Variants in STK33 observed in about 807,000 individuals in gnomAD.
STK33 encodes the protein serine/threonine kinase 33, also known as serine/threonine-protein kinase 33.
STK33 carries 52 observed loss-of-function variants against 58.0 expected under a neutral mutation model. That is an observed-to-expected ratio of 0.90 (90% CI 0.72 to 1.13). The LOEUF is 1.13. Among genes scored for constraint, STK33 ranks in the 50% most tolerant of loss-of-function variants. The pLI, the probability that STK33 is intolerant of heterozygous loss-of-function variation, is 0.00. For missense variants in STK33, 630 were observed against 604.2 expected (o/e 1.04, Z -0.45); for synonymous variants, 215 against 200.1 (o/e 1.07, Z -0.63).
intron 1 of STK33, among the ~76,000 whole-genome samples, chr11:8,519,034 A>G (rs1953105797): frequency 6.6e-6 from 1 of 152,218 alleles, no homozygotes; most frequent in Non-Finnish European, 1.5e-5. Flanking sequence ...TCAATGGAAT[A>G]TACATTCTTC....
At chr11:8,438,548 T>TAGC (rs1369961526) in intron 12 of STK33, among the ~76,000 whole-genome samples, 3 of 152,144 alleles carry the variant, frequency 2.0e-5, no homozygotes, top group Non-Finnish European at 1.5e-5. Flanking sequence ...TAGGCACTGA[T>TAGC]TAGCTAAGTA....
At chr11:8,463,152 T>C (rs1214092654) in intron 7 of STK33, among the ~76,000 whole-genome samples, 30 of 152,094 alleles carry the variant, frequency 2.0e-4, no homozygotes, top group Admixed American at 1.8e-3. Flanking sequence ...TTAAGTCACA[T>C]TTAAAGGTTA....
the STK33 span, among the ~76,000 whole-genome samples, chr11:8,380,965 C>A: frequency 6.6e-6 from 1 of 152,144 alleles, no homozygotes; most frequent in African/African-American, 2.4e-5. Flanking sequence ...TCTTTTGCAG[C>A]AATTTGGATG....
At chr11:8,463,399 G>A (rs1051079403) in intron 7 of STK33, among the ~76,000 whole-genome samples, 1 of 152,152 alleles carries the variant, frequency 6.6e-6, no homozygotes, top group African/African-American at 2.4e-5. Context: ...TGCCGCTGCT[G>A]ATCTGACAGG....
chr11:8,579,186 CA>C (rs1958389738), intron 1 of STK33, among the ~76,000 whole-genome samples: 1 of 151,964 alleles, frequency 6.6e-6, no homozygotes, highest in Non-Finnish European at 1.5e-5. Flanking sequence ...CCTGAAGAAT[CA>C]GTTAGAGTAG....
intron 7 of STK33, 61 bp from the exon 8 acceptor site, chr11:8,461,970 GAA>G (rs1418189397): frequency 6.4e-5 from 84 of 1,315,418 alleles, no homozygotes; most frequent in East Asian, 1.1e-4. Flanking sequence ...TTCCTTGATA[GAA>G]AAGTTATTTT....
chr11:8,428,786 C>G (rs1275077806), intron 14 of STK33, among the ~76,000 whole-genome samples: 1 of 152,076 alleles, frequency 6.6e-6, no homozygotes, highest in African/African-American at 2.4e-5. Context: ...CAGCCCTATC[C>G]ATCCACTAAA....
chr11:8,433,576 T>C (rs1368465216), intron 14 of STK33, among the ~76,000 whole-genome samples: 7 of 152,178 alleles, frequency 4.6e-5, no homozygotes, highest in African/African-American at 1.4e-4. Context: ...CACATAAGCA[T>C]TGCAAACTGA....
chr11:8,590,066 A>C (rs878953818), intron 1 of STK33, among the ~76,000 whole-genome samples: 10 of 152,162 alleles, frequency 6.6e-5, no homozygotes, highest in Non-Finnish European at 8.8e-5. Flanking sequence ...TGGTAAATGG[A>C]TTTTCTCCCA....
At chr11:8,584,856 T>C (rs533034480) in intron 1 of STK33, among the ~76,000 whole-genome samples, 6 of 151,604 alleles carry the variant, frequency 4.0e-5, no homozygotes, top group Non-Finnish European at 8.8e-5. Context: ...ATGAAGACAA[T>C]GAGGAAGGCA....
chr11:8,447,102 G>C lies in STK33; in HGVS notation c.871+5720C>G, dbSNP rs1403049444. Among the ~76,000 whole-genome samples, 4 of 151,964 alleles carry C rather than the reference G, an allele frequency of 2.6e-5. 1 individual carries two copies. Among genetic ancestry groups the C allele is most frequent in the African/African-American group, 9.7e-5 (4 of 41,390 alleles). On this transcript the variant is annotated intron_variant, in intron 11 of 15. Coordinates refer to ENST00000687296, the MANE Select transcript of STK33 (RefSeq NM_001352389.2). ...AGGGCTAATATCCAGAATTTACAGGGAACTTAAACTTACAAGAAAAGAACA... is the reference window on the plus strand; with the variant it reads ...AGGGCTAATATCCAGAATTTACAGGCAACTTAAACTTACAAGAAAAGAACA...
At chr11:8,406,665 C>T (rs1209560983) in intron 15 of STK33, among the ~76,000 whole-genome samples, 1 of 152,104 alleles carries the variant, frequency 6.6e-6, no homozygotes, top group Non-Finnish European at 1.5e-5. Context: ...CAATTGTTCA[C>T]TGCGAATATA....
chr11:8,548,968 T>A (rs1956127191), intron 1 of STK33, among the ~76,000 whole-genome samples: 1 of 152,188 alleles, frequency 6.6e-6, no homozygotes. Context: ...GCATGCTGGT[T>A]TTGTATAAAG....
At chr11:8,402,634 A>C (rs1204508771) in intron 15 of STK33, among the ~76,000 whole-genome samples, 1 of 152,096 alleles carries the variant, frequency 6.6e-6, no homozygotes, top group Admixed American at 6.6e-5. Flanking sequence ...AAAGAATCTG[A>C]GACTCCCCTC....
intron 1 of STK33, among the ~76,000 whole-genome samples, chr11:8,552,935 G>C (rs1056075910): frequency 6.6e-6 from 1 of 151,546 alleles, no homozygotes; most frequent in South Asian, 2.1e-4. Context: ...AGGATCGCTT[G>C]AGCCCAGGAG....
At chr11:8,340,171 C>T in the STK33 span, among the ~76,000 whole-genome samples, 13 of 131,422 alleles carry the variant, frequency 9.9e-5, no homozygotes, top group Admixed American at 3.8e-4. Flanking sequence ...AATTTATAAA[C>T]TCTGGGGTCT....
the STK33 span, among the ~76,000 whole-genome samples, chr11:8,358,895 G>C: frequency 6.6e-6 from 1 of 152,176 alleles, no homozygotes; most frequent in Non-Finnish European, 1.5e-5. Context: ...AGAGAAGGCT[G>C]GCAGATACCA....
chr11:8,472,128 T>C (rs1948837407), intron 6 of STK33, among the ~76,000 whole-genome samples: 1 of 152,140 alleles, frequency 6.6e-6, no homozygotes, highest in Non-Finnish European at 1.5e-5. Flanking sequence ...GGAGTTTTGC[T>C]ATGTTGCCCA....
At chr11:8,454,166 A>C (rs1017301803) in intron 10 of STK33, among the ~76,000 whole-genome samples, 1 of 152,252 alleles carries the variant, frequency 6.6e-6, no homozygotes, top group African/African-American at 2.4e-5. Flanking sequence ...TTACTCACAG[A>C]CAACATTTTA....
Sources: gnomAD v4.1 joint callset for allele counts (sites outside exome capture counted in the v4.1 genomes callset) on GRCh38, gnomAD v4.1.1 for gene constraint, MANE v1.5 for transcripts, NCBI Gene and HGNC (gene_info 2026-07-23, HGNC 2026-07-21) for gene names.